Variants in SNX29 observed in about 807,000 individuals in gnomAD.
SNX29 encodes sorting nexin 29, also known as sorting nexin-29.
Under a neutral mutation model 102.1 loss-of-function variants are expected in SNX29, and 78 were observed. The observed-to-expected ratio is 0.76, with a 90% CI of 0.64 to 0.92. The LOEUF is 0.92. Among genes scored for constraint, SNX29 ranks in the 40% least tolerant of loss-of-function variants. SNX29 has a pLI of 0.00. For synonymous variants in SNX29, 580 were observed against 414.5 expected (o/e 1.40, Z -4.85); for missense variants, 1,280 against 1,061.7 (o/e 1.21, Z -2.86).
At position 12,027,339 on chromosome 16, in the gene SNX29, C is replaced by A; in HGVS notation, c.142C>A (p.Gln48Lys). The change falls in exon 4 of 21, where the codon CAG (glutamine) becomes AAG (lysine). Residue 48 changes from glutamine to lysine, a missense_variant. Gln to Lys is a moderately conservative substitution (Grantham distance 53). Coordinates refer to ENST00000566228, the MANE Select transcript of SNX29 (RefSeq NM_032167.5). ...SDSRVTCLCA[Q>K]FEAVLQHGLK... is the part of the protein sequence containing the mutation. The stretch of plus-strand genomic sequence containing the variant: ...TCACAGGGTCACCTGTCTGTGTGCC[C>A]AGTTTGAAGCCGTCCTGCAGCATGG... 1 of 1,613,784 alleles carries A rather than the reference C, an allele frequency of 6.2e-7. No homozygotes were observed. Among genetic ancestry groups the A allele is most frequent in the East Asian group, 2.2e-5 (1 of 44,880 alleles).
intron 12 of SNX29, among the ~76,000 whole-genome samples, chr16:12,128,506 G>A (rs2054317464): frequency 1.4e-5 from 2 of 145,508 alleles, no homozygotes; most frequent in South Asian, 2.2e-4. Flanking sequence ...AGGCTGGAGT[G>A]CAGTGGTGTG....
chr16:11,997,433 C>G (rs1340432432), intron 1 of SNX29, among the ~76,000 whole-genome samples: 2 of 152,032 alleles, frequency 1.3e-5, no homozygotes, highest in African/African-American at 2.4e-5. Context: ...TTTTGTCTTC[C>G]TAGTGTGACT....
chr16:12,489,736 T>C (rs2088444746), intron 19 of SNX29, among the ~76,000 whole-genome samples: 1 of 152,194 alleles, frequency 6.6e-6, no homozygotes, highest in Admixed American at 6.5e-5. Context: ...ATAGGCATGC[T>C]TGCTTTTCCT....
intron 19 of SNX29, among the ~76,000 whole-genome samples, chr16:12,520,296 T>G (rs1050040810): frequency 6.6e-6 from 1 of 152,160 alleles, no homozygotes; most frequent in Admixed American, 6.5e-5. Flanking sequence ...AACCTGGAAG[T>G]AGAATCTCAA....
At chr16:12,385,156 G>C (rs1423135488) in intron 16 of SNX29, among the ~76,000 whole-genome samples, 1 of 152,218 alleles carries the variant, frequency 6.6e-6, no homozygotes. Flanking sequence ...GGCAACAAGA[G>C]CGAAACTCCA....
intron 13 of SNX29, among the ~76,000 whole-genome samples, chr16:12,132,999 C>T (rs1223681430): frequency 6.6e-6 from 1 of 152,158 alleles, no homozygotes. Flanking sequence ...CTTGCTCGGG[C>T]AGTTGTTGCC....
intron 11 of SNX29, among the ~76,000 whole-genome samples, chr16:12,117,931 T>A (rs2053803089): frequency 6.6e-6 from 1 of 151,872 alleles, no homozygotes; most frequent in Non-Finnish European, 1.5e-5. Context: ...CTGTCCCTAC[T>A]AAAAATACAA....
intron 13 of SNX29, among the ~76,000 whole-genome samples, chr16:12,173,896 C>T (rs2076204242): frequency 6.6e-6 from 1 of 152,216 alleles, no homozygotes; most frequent in South Asian, 2.1e-4. Context: ...TTTCCTGCCT[C>T]AGCCTCCTAA....
chr16:12,088,032 T>G, intron 11 of SNX29: 1 of 456,592 alleles, frequency 2.2e-6, no homozygotes, highest in South Asian at 1.5e-5. Context: ...CCCTGTCTCG[T>G]TCTGGCTTTG....
intron 5 of SNX29, among the ~76,000 whole-genome samples, chr16:12,044,893 T>C (rs1170981350): frequency 1.3e-5 from 2 of 152,182 alleles, no homozygotes; most frequent in African/African-American, 4.8e-5. Flanking sequence ...CTCCTTTTTT[T>C]CGAAGTGAAT....
intron 14 of SNX29, among the ~76,000 whole-genome samples, chr16:12,219,661 T>C (rs941043847): frequency 6.6e-6 from 1 of 152,266 alleles, no homozygotes; most frequent in African/African-American, 2.4e-5. Flanking sequence ...TTTTCTCTTA[T>C]TGAAAATTCA....
At chr16:12,550,820 T>C (rs2141344671) in intron 20 of SNX29, among the ~76,000 whole-genome samples, 1 of 152,316 alleles carries the variant, frequency 6.6e-6, no homozygotes, top group South Asian at 2.1e-4. Context: ...ATGTGTTAAT[T>C]TACCTTTTTA....
intron 20 of SNX29, among the ~76,000 whole-genome samples, chr16:12,542,960 A>G (rs2077410115): frequency 6.6e-6 from 1 of 152,124 alleles, no homozygotes; most frequent in Admixed American, 6.6e-5. Flanking sequence ...TTGAAGCAGA[A>G]AAGAAGTACT....
In SNX29 at chr16:12,286,104, A is replaced by G. The variant is rs373329104; in HGVS notation, c.1782+8068A>G. Among the ~76,000 whole-genome samples the G allele has an allele frequency of 1.1e-3, 168 of 151,622 alleles. 1 individual carries two copies. The highest frequency in any genetic ancestry group is 0.01 in the Middle Eastern group (3 of 292). ...GTGATCCTCCCACCTCGGCCTCCCA[A>G]AGTGCTGGGATTACAGGTGTGAGCC... On this transcript the variant is annotated intron_variant, in intron 15 of 20. Coordinates refer to ENST00000566228, the MANE Select transcript of SNX29 (RefSeq NM_032167.5).
chr16:12,511,001 G>T (rs1235755836), intron 19 of SNX29, among the ~76,000 whole-genome samples: 1 of 152,040 alleles, frequency 6.6e-6, no homozygotes, highest in Non-Finnish European at 1.5e-5. Flanking sequence ...CTGTCGCCCA[G>T]GCTGGAATGC....
chr16:12,556,756 C>G (rs954987273), intron 20 of SNX29, among the ~76,000 whole-genome samples: 12 of 152,110 alleles, frequency 7.9e-5, no homozygotes, highest in East Asian at 3.9e-4. Flanking sequence ...AATTAAGGCA[C>G]CCCCAGAGTT....
At chr16:12,145,413 T>C (rs545787056) in intron 13 of SNX29, among the ~76,000 whole-genome samples, 5 of 152,348 alleles carry the variant, frequency 3.3e-5, no homozygotes, top group African/African-American at 1.2e-4. Context: ...TTTCAAATTA[T>C]GTTTAAATAC....
At chr16:12,416,143 G>C (rs1287899289) in intron 18 of SNX29, among the ~76,000 whole-genome samples, 2 of 152,152 alleles carry the variant, frequency 1.3e-5, no homozygotes, top group East Asian at 3.9e-4. Flanking sequence ...AACTGGGCAG[G>C]CTGTGCTCTG....
chr16:12,346,299 C>G (rs1001579736), intron 15 of SNX29, among the ~76,000 whole-genome samples: 2 of 152,014 alleles, frequency 1.3e-5, no homozygotes, highest in African/African-American at 4.8e-5. Flanking sequence ...TCTGCTGGTG[C>G]CTCTTTAATG....
Sources: allele counts gnomAD v4.1 joint callset (sites outside exome capture counted in the v4.1 genomes callset), GRCh38; gene constraint gnomAD v4.1.1; transcripts MANE v1.5; gene names NCBI Gene and HGNC (gene_info 2026-07-23, HGNC 2026-07-21).